The following CPS1 variants were observed in gnomAD, a reference collection of about 807,000 sequenced individuals.
CPS1 encodes the protein carbamoyl-phosphate synthase [ammonia], mitochondrial.
A neutral mutation model predicts 174.6 loss-of-function variants in CPS1; 109 were observed. The ratio of observed to expected loss-of-function variants is 0.62; its 90% confidence interval spans 0.53 to 0.73. The LOEUF is 0.73. CPS1 is among the 30% of genes least tolerant of loss of function. The pLI is 0.00. For synonymous variants in CPS1, 637 were observed against 632.0 expected, an observed-to-expected ratio of 1.01 and a Z score of -0.12; for missense variants, 1,689 against 1,821.9, an observed-to-expected ratio of 0.93 and a Z score of 1.33.
intron 25 of CPS1, among the ~76,000 whole-genome samples, chr2:210,643,802 C>T (rs539546312): frequency 3.4e-4 from 51 of 152,172 alleles, no homozygotes; most frequent in African/African-American, 1.2e-3. Context: ...TTTTAGACCT[C>T]TCTCTGACAT....
chr2:210,507,810 T>C (rs1469080347), intron 1 of CPS1, among the ~76,000 whole-genome samples: 3 of 152,294 alleles, frequency 2.0e-5, no homozygotes, highest in Non-Finnish European at 2.9e-5. Context: ...AAGGGATCAA[T>C]GCAACAAGAA....
chr2:210,555,360 A>G (rs548748863), upstream of CPS1, among the ~76,000 whole-genome samples: 50 of 151,876 alleles, frequency 3.3e-4, no homozygotes, highest in African/African-American at 1.2e-3. Context: ...TCCCCATTTT[A>G]TTTATTTTCC....
intron 1 of CPS1, among the ~76,000 whole-genome samples, chr2:210,510,656 A>G (rs1287455436): frequency 6.6e-6 from 1 of 152,268 alleles, no homozygotes. Flanking sequence ...GCTAATATCC[A>G]GAATCTACAA....
intron 1 of CPS1, among the ~76,000 whole-genome samples, chr2:210,568,283 A>G (rs1697365813): frequency 6.6e-6 from 1 of 152,078 alleles, no homozygotes; most frequent in South Asian, 2.1e-4. Context: ...ACTGACAGAG[A>G]GGTGGGGAAT....
intron 1 of CPS1, among the ~76,000 whole-genome samples, chr2:210,510,247 T>C (rs866362743): frequency 4.4e-4 from 67 of 152,170 alleles, no homozygotes; most frequent in African/African-American, 1.6e-3. Context: ...ATCTGATCTT[T>C]GACAAACCTG....
intron 17 of CPS1, among the ~76,000 whole-genome samples, chr2:210,605,587 A>G (rs1698879639): frequency 6.6e-6 from 1 of 151,906 alleles, no homozygotes; most frequent in Admixed American, 6.6e-5. Flanking sequence ...GTAATCACCC[A>G]GTAAATGAGA....
chr2:210,646,529 A>G (rs1700381655), intron 25 of CPS1, among the ~76,000 whole-genome samples: 1 of 152,188 alleles, frequency 6.6e-6, no homozygotes, highest in South Asian at 2.1e-4. Flanking sequence ...AAATAATGAC[A>G]AAATATATTT....
chr2:210,558,728 A>G (rs1296213215), intron 1 of CPS1, among the ~76,000 whole-genome samples: 2 of 152,054 alleles, frequency 1.3e-5, no homozygotes, highest in Non-Finnish European at 2.9e-5. Flanking sequence ...CAAGATCACA[A>G]TAAGTGCTCC....
intron 1 of CPS1, among the ~76,000 whole-genome samples, chr2:210,491,846 C>T (rs753856017): frequency 2.6e-5 from 4 of 152,192 alleles, no homozygotes; most frequent in Non-Finnish European, 5.9e-5. Context: ...TCCCTTCATT[C>T]TGTTAACCTG....
At chr2:210,509,656 T>A (rs1338555127) in intron 1 of CPS1, among the ~76,000 whole-genome samples, 1 of 152,154 alleles carries the variant, frequency 6.6e-6, no homozygotes, top group Non-Finnish European at 1.5e-5. Context: ...AAAATCTCCT[T>A]AAGCTGATAG....
chr2:210,513,420 T>C (rs951715321), intron 1 of CPS1, among the ~76,000 whole-genome samples: 1 of 151,914 alleles, frequency 6.6e-6, no homozygotes, highest in African/African-American at 2.4e-5. Context: ...TGCATTTCTC[T>C]GACAGTTATG....
intron 1 of CPS1, among the ~76,000 whole-genome samples, chr2:210,508,607 A>G (rs973243343): frequency 4.6e-5 from 7 of 152,244 alleles, no homozygotes; most frequent in African/African-American, 1.4e-4. Context: ...TTGTGAAAAG[A>G]TCAACAAAAT....
intron 1 of CPS1, among the ~76,000 whole-genome samples, chr2:210,527,026 C>A (rs1395941353): frequency 3.3e-5 from 5 of 151,804 alleles, no homozygotes; most frequent in Admixed American, 2.6e-4. Context: ...AATGGCAAAA[C>A]CACAATTAGA....
rs577890646 is a variant in CPS1, at chr2:210,678,150, C to A, written c.*165C>A. Reference sequence around the variant, plus strand: ...TGTCTTTTGCAATTAAATTGTCAGTCACTTCTTCAAAACCTTACAGTCCTT... The same window carrying A: ...TGTCTTTTGCAATTAAATTGTCAGTAACTTCTTCAAAACCTTACAGTCCTT... On this transcript the variant is annotated 3_prime_UTR_variant, in exon 38 of 38. Transcript: ENST00000233072. The A allele has an allele frequency of 1.4e-5, 10 of 712,076 alleles. No homozygotes were observed. The highest frequency in any genetic ancestry group is 2.6e-5 in the Non-Finnish European group (10 of 384,494). 44.1% of individuals were successfully genotyped at this position (712,076 alleles called of 1,614,324 possible).
At chr2:210,541,906 C>T (rs953002413) in intron 1 of CPS1, among the ~76,000 whole-genome samples, 1 of 152,038 alleles carries the variant, frequency 6.6e-6, no homozygotes, top group Non-Finnish European at 1.5e-5. Flanking sequence ...GTAAACCATC[C>T]CATTCCTATG....
chr2:210,651,486 A>G lies in CPS1; in HGVS notation c.3480+1048A>G, dbSNP rs577314997. On this transcript the variant is annotated intron_variant, in intron 28 of 37. Coordinates refer to ENST00000233072, the MANE Select transcript of CPS1 (RefSeq NM_001875.5). The stretch of plus-strand genomic sequence containing the variant: ...TTTTCACTAATGGAGTGAGACACCA[A>G]CTGTCTTCTCTATTTTATTCCTGGC... Among the ~76,000 whole-genome samples the G allele has an allele frequency of 1.1e-4, 16 of 152,270 alleles. No homozygotes were observed. The South Asian group carries it at 3.3e-3, about 32-fold the overall frequency.
chr2:210,486,137 CA>C (rs1694715309), intron 1 of CPS1, among the ~76,000 whole-genome samples: 1 of 104,034 alleles, frequency 9.6e-6, no homozygotes, highest in African/African-American at 3.8e-5. Flanking sequence ...CACACACACA[CA>C]CACACACACA....
chr2:210,547,392 C>T (rs995863416), intron 1 of CPS1, among the ~76,000 whole-genome samples: 2 of 151,864 alleles, frequency 1.3e-5, no homozygotes, highest in African/African-American at 4.8e-5. Flanking sequence ...AGTTTATTTT[C>T]ATATTTGAGT....
intron 35 of CPS1, 150 bp from the exon 36 acceptor site, chr2:210,675,578 C>A (rs1214045376): frequency 1.4e-6 from 1 of 694,594 alleles, no homozygotes. Flanking sequence ...AGTGCCCATG[C>A]CTCTGGACTG....
Sources: allele counts gnomAD v4.1 joint callset (sites outside exome capture counted in the v4.1 genomes callset), GRCh38; gene constraint gnomAD v4.1.1; transcripts MANE v1.5; gene names NCBI Gene and HGNC (gene_info 2026-07-23, HGNC 2026-07-21).